PPP2R2D: variants seen among roughly 807,000 people sequenced by gnomAD.
PPP2R2D encodes serine/threonine-protein phosphatase 2A 55 kDa regulatory subunit B delta isoform.
PPP2R2D carries 9 observed loss-of-function variants against 31.1 expected under a neutral mutation model. The observed-to-expected ratio is 0.29, with a 90% confidence interval of 0.17 to 0.51. The LOEUF (loss-of-function observed/expected upper bound fraction) is 0.51. PPP2R2D is among the 20% of genes least tolerant of loss of function. The pLI is 0.98. For missense variants in PPP2R2D, 391 were observed against 465.6 expected (o/e 0.84, Z 1.48); for synonymous variants, 179 against 172.6 (o/e 1.04, Z -0.29).
chr10:131,914,425 A>G (rs557470360), intron 2 of PPP2R2D, among the ~76,000 whole-genome samples: 1 of 152,284 alleles, frequency 6.6e-6, no homozygotes, highest in Admixed American at 6.5e-5. Flanking sequence ...TTCTGGAAGG[A>G]GTGTCTGTAC....
intron 3 of PPP2R2D, among the ~76,000 whole-genome samples, chr10:131,939,137 C>T (rs112136405): frequency 1.4e-5 from 2 of 142,214 alleles, no homozygotes; most frequent in African/African-American, 2.6e-5. Context: ...CAGACCTGCT[C>T]CAGAAAACAC....
the PPP2R2D span, chr10:131,970,974 A>T: frequency 1.9e-6 from 3 of 1,612,648 alleles, no homozygotes; most frequent in Non-Finnish European, 2.5e-6. The surrounding 1 kb of genome is among the most constrained non-coding windows in gnomAD (Gnocchi z 4.1). Context: ...CCTCAGACTA[A>T]GATAAAGTCA....
chr10:131,927,008 A>G (rs1185883099), intron 2 of PPP2R2D, among the ~76,000 whole-genome samples: 9 of 152,206 alleles, frequency 5.9e-5, no homozygotes, highest in Admixed American at 2.0e-4. Flanking sequence ...CCACGAGTCC[A>G]AAGAGCTGCC....
At position 131,945,200 on chromosome 10, in the gene PPP2R2D, G is replaced by T. The variant is rs2036512745; in HGVS notation, c.656-95G>T. ...AATAGCTAATCCCTTAAACCTCACT[G>T]CGTGGATTATTTGGCGTCCTATTTC... On this transcript the variant is annotated intron_variant, in intron 6 of 8. Coordinates refer to ENST00000455566, the MANE Select transcript of PPP2R2D (RefSeq NM_018461.5). This position sits in a 1 kb window ranked among gnomAD's most constrained non-coding sequence, Gnocchi z 4.8. The T allele has an allele frequency of 7.1e-7, 1 of 1,414,532 alleles. No individual in the cohort carries two copies. Among genetic ancestry groups the T allele is most frequent in the Non-Finnish European group, 9.7e-7 (1 of 1,033,986 alleles). 87.6% of individuals were successfully genotyped at this position (1,414,532 alleles called of 1,614,324 possible).
chr10:131,913,780 G>C (rs1040010331), intron 2 of PPP2R2D, among the ~76,000 whole-genome samples: 4 of 152,162 alleles, frequency 2.6e-5, no homozygotes, highest in Non-Finnish European at 4.4e-5. Context: ...CAGGAGTTTA[G>C]AGCTCAGAGG....
Position 131,947,243 on chromosome 10 carries a change from C to T in PPP2R2D, c.821-287C>T, listed in dbSNP as rs569500503. On this transcript the variant is annotated intron_variant, in intron 7 of 8. Coordinates refer to ENST00000455566, the MANE Select transcript of PPP2R2D (RefSeq NM_018461.5). This position sits in a 1 kb window ranked among gnomAD's most constrained non-coding sequence, Gnocchi z 4.3. ...CTCCCACAGATGGCAGTGCCCAGGA[C>T]CTTGCCTAGAGATTCTCATTCAGGG... Among the ~76,000 whole-genome samples the T allele has an allele frequency of 1.5e-3, 236 of 152,318 alleles. No individual in the cohort carries two copies. The highest frequency in any genetic ancestry group is 5.1e-3 in the African/African-American group (211 of 41,570).
chr10:131,904,868 T>A lies in PPP2R2D; in HGVS notation c.100+3538T>A, dbSNP rs948800031. On this transcript the variant is annotated intron_variant, in intron 2 of 8. Coordinates refer to ENST00000455566, the MANE Select transcript of PPP2R2D (RefSeq NM_018461.5). Reference sequence around the variant, plus strand: ...TGAAGTGAGTGACATAGAAAAGCCTTTGGTTTTTGTTTTGATTTCTGTTTT... The same window carrying A: ...TGAAGTGAGTGACATAGAAAAGCCTATGGTTTTTGTTTTGATTTCTGTTTT... Among the ~76,000 whole-genome samples the A allele has an allele frequency of 2.0e-5, 3 of 152,290 alleles. No individual in the cohort carries two copies. The East Asian group carries it at 5.8e-4, about 29-fold the overall frequency.
At chr10:131,907,830 A>G (rs1266735266) in intron 2 of PPP2R2D, among the ~76,000 whole-genome samples, 9 of 152,058 alleles carry the variant, frequency 5.9e-5, no homozygotes, top group East Asian at 1.9e-4. Context: ...TCATCGTTAC[A>G]TCGTGAAGTT....
At chr10:131,941,396 C>T (rs1554897222) in intron 5 of PPP2R2D, among the ~76,000 whole-genome samples, 1 of 152,154 alleles carries the variant, frequency 6.6e-6, no homozygotes, top group Non-Finnish European at 1.5e-5. Flanking sequence ...TGAAGGGTGT[C>T]CGGCAAACTG....
chr10:131,964,749 A>G (rs955200588), downstream of PPP2R2D, among the ~76,000 whole-genome samples: 1 of 136,866 alleles, frequency 7.3e-6, no homozygotes, highest in Non-Finnish European at 1.5e-5. Context: ...TCACCAGCCC[A>G]CCCCTTCAGT....
chr10:131,922,451 A>G (rs1039880940), intron 2 of PPP2R2D, among the ~76,000 whole-genome samples: 1 of 137,382 alleles, frequency 7.3e-6, no homozygotes, highest in East Asian at 2.2e-4. Context: ...TTATCTGTCA[A>G]TTGTTTTTTT....
chr10:131,965,292 G>A, the PPP2R2D span, among the ~76,000 whole-genome samples: 79 of 152,252 alleles, frequency 5.2e-4, no homozygotes, highest in Admixed American at 1.4e-3. Flanking sequence ...GCATGCACCC[G>A]CAGAGACAGG....
chr10:131,945,623 C>A lies in PPP2R2D; in HGVS notation c.820+164C>A, dbSNP rs560085932. 1.6e-5 allele frequency: 12 copies of A among 760,292 alleles called. No homozygotes were observed. In the African/African-American group the frequency reaches 1.8e-4, roughly 11 times the overall value. The allele number at this position is 760,292 out of a possible 1,614,324, so 47.1% of individuals were successfully genotyped here. On this transcript the variant is annotated intron_variant, in intron 7 of 8. Transcript: ENST00000455566. This position sits in a 1 kb window ranked among gnomAD's most constrained non-coding sequence, Gnocchi z 4.8. ...CACAGGCAGGTGCCACCATGCCCAG[C>A]TAGTTTTTGTATTTTTAGTACAGAC...
chr10:131,937,078 G>A (rs782185432), intron 3 of PPP2R2D, among the ~76,000 whole-genome samples: 6 of 152,332 alleles, frequency 3.9e-5, no homozygotes, highest in East Asian at 1.9e-4. Flanking sequence ...AGGCGTCCAC[G>A]TGTGCGTCTT....
At chr10:131,906,259 G>C (rs1467830577) in intron 2 of PPP2R2D, among the ~76,000 whole-genome samples, 8 of 152,242 alleles carry the variant, frequency 5.3e-5, no homozygotes, top group African/African-American at 1.7e-4. Flanking sequence ...ATTGAACCTG[G>C]TTTTATATAG....
intron 2 of PPP2R2D, among the ~76,000 whole-genome samples, chr10:131,917,238 A>G (rs1238498361): frequency 1.5e-5 from 2 of 130,698 alleles, no homozygotes; most frequent in Admixed American, 7.9e-5. Flanking sequence ...GGCGGGTGGA[A>G]TGACACAGTG....
intron 8 of PPP2R2D, among the ~76,000 whole-genome samples, chr10:131,954,453 G>A (rs1452056241): frequency 3.3e-5 from 5 of 152,318 alleles, no homozygotes; most frequent in African/African-American, 1.2e-4. Flanking sequence ...TGGCCCTCAC[G>A]TGCCAACTTG....
intron 2 of PPP2R2D, among the ~76,000 whole-genome samples, chr10:131,925,557 G>A (rs1273629298): frequency 6.6e-6 from 1 of 152,084 alleles, no homozygotes; most frequent in Non-Finnish European, 1.5e-5. Context: ...AGTTCTTTCT[G>A]ACTTCTGTAT....
At position 131,956,266 on chromosome 10, in the gene PPP2R2D, A is replaced by G. The variant is rs895797728; in HGVS notation, c.*303A>G. The stretch of plus-strand genomic sequence containing the variant: ...CAGTCCGAGCCTTCCTTTCCAATTT[A>G]TAGACCAAAAAATTAACATCCAAGA... On this transcript the variant is annotated 3_prime_UTR_variant, in exon 9 of 9. Coordinates refer to ENST00000455566, the MANE Select transcript of PPP2R2D (RefSeq NM_018461.5). 1.3e-4 allele frequency: 143 copies of G among 1,075,952 alleles called. No individual in the cohort carries two copies. The highest frequency in any genetic ancestry group is 1.5e-4 in the Non-Finnish European group (133 of 889,094). 66.7% of individuals were successfully genotyped at this position (1,075,952 alleles called of 1,614,324 possible).
Sources: allele counts gnomAD v4.1 joint callset (sites outside exome capture counted in the v4.1 genomes callset), GRCh38; gene constraint gnomAD v4.1.1; non-coding constraint Gnocchi (gnomAD v3.1); transcripts MANE v1.5; gene names NCBI Gene and HGNC (gene_info 2026-07-23, HGNC 2026-07-21).